The following ELN variants were observed in gnomAD, a reference collection of about 807,000 sequenced individuals.
The protein encoded by ELN is tropoelastin.
A neutral mutation model predicts 105.8 loss-of-function variants in ELN; 65 were observed. The ratio of observed to expected loss-of-function variants is 0.61; its 90% CI spans 0.50 to 0.75. The LOEUF is 0.75. Ranked by LOEUF, ELN falls within the 30% of genes least tolerant of loss-of-function variation. ELN has a pLI of 0.00. For synonymous variants in ELN, 368 were observed against 389.2 expected, an observed-to-expected ratio of 0.95 and a Z score of 0.64; for missense variants, 882 against 969.4, an observed-to-expected ratio of 0.91 and a Z score of 1.20.
chr7:74,053,395 T>A, intron 18 of ELN, 86 bp downstream of exon 18: 1 of 1,554,922 alleles, frequency 6.4e-7, no homozygotes, highest in Non-Finnish European at 8.7e-7. Context: ...GCCAAAATTT[T>A]TGCATTCTCC....
rs782602074 is a variant in ELN, at chr7:74,051,837, C to T, written c.887C>T (p.Ala296Val). The change falls in exon 16 of 33, where the codon GCA (alanine) becomes GTA (valine). Residue 296 changes from alanine (A) to valine (V), a missense_variant and splice_region_variant. Physicochemically the swap from Ala to Val is moderately conservative, Grantham distance 64. Transcript: ENST00000252034. ...PGAIPGIGGI[A>V]GVGTPAAAAA... ...GCAATTCCTGGAATTGGAGGCATCG[C>T]AGGTAACATCTGTCCCAGCAGGGGG... The T allele has an allele frequency of 6.2e-7, 1 of 1,614,230 alleles. No individual in the cohort carries two copies. The highest frequency in any genetic ancestry group is 2.2e-5 in the East Asian group (1 of 44,880).
Position 74,069,705 on chromosome 7 carries a change from ATATTCTCTTTT to A in ELN, c.*1006_*1016del, listed in dbSNP as rs1554691270. The A allele has an allele frequency of 8.7e-6, 2 of 231,110 alleles. No individual in the cohort carries two copies. The highest frequency in any genetic ancestry group is 4.4e-5 in the African/African-American group (2 of 44,948). The allele number at this position is 231,110 out of a possible 1,614,324, so 14.3% of individuals were successfully genotyped here. ...ATTTGGGGATTATTTTTGATTGTTG[ATATTCTCTTTT>A]GGTTTTATTGTTGTGGTTCATTGAA... On this transcript the variant is annotated 3_prime_UTR_variant, in exon 33 of 33. Transcript: ENST00000252034.
At chr7:74,041,077 G>A (rs1041313710) in intron 4 of ELN, 139 bp from the exon 5 acceptor site, 9 of 1,051,210 alleles carry the variant, frequency 8.6e-6, no homozygotes, top group South Asian at 1.3e-5. Context: ...TATCAGGATC[G>A]ACCCTGAGCA....
At chr7:74,056,832 G>C (rs989561175) in intron 21 of ELN, 119 bp downstream of exon 21, 1 of 1,305,854 alleles carries the variant, frequency 7.7e-7, no homozygotes, top group Non-Finnish European at 1.1e-6. Context: ...CCAAGGTCAC[G>C]AGGCCCCTGC....
rs55907052 is a variant in ELN at position 74,060,697 on chromosome 7, A to G, written c.1747+196A>G. Reference sequence around the variant, plus strand: ...AGGCCAAGGGACCCCAGGCTGCCCAATTGCAGAGTATCTGCCTCCTCAGTA... The same window carrying G: ...AGGCCAAGGGACCCCAGGCTGCCCAGTTGCAGAGTATCTGCCTCCTCAGTA... On this transcript the variant is annotated intron_variant, in intron 25 of 32. Coordinates refer to ENST00000252034, the MANE Select transcript of ELN (RefSeq NM_000501.4). 194 of 1,423,034 alleles carry G rather than the reference A, an allele frequency of 1.4e-4. No individual in the cohort carries two copies. The African/African-American group carries it at 2.5e-3, about 18-fold the overall frequency. 88.2% of individuals were successfully genotyped at this position (1,423,034 alleles called of 1,614,324 possible). A position where few individuals can be genotyped will look rare whatever the true frequency, so the allele number is the denominator to read the frequency against.
At chr7:74,031,793 AAGAAAG>A (rs1788707715) in intron 1 of ELN, among the ~76,000 whole-genome samples, 1 of 150,668 alleles carries the variant, frequency 6.6e-6, no homozygotes, top group South Asian at 2.1e-4. Flanking sequence ...AAGAAAAAGA[AAGAAAG>A]AGAGAGAGAG....
rs147145319 is a variant in ELN at position 74,064,508 on chromosome 7, C to T, written c.1993+813C>T. 1.1e-4 allele frequency among the ~76,000 whole-genome samples: 16 copies of T among 151,450 alleles called. 1 individual carries two copies. The East Asian group carries it at 2.5e-3, about 24-fold the overall frequency. ...ACACACGCCTGTAATCCCAGCTACT[C>T]GGGAGCCTGAGACAGGAGAATCACT... On this transcript the variant is annotated intron_variant, in intron 29 of 32. Coordinates refer to ENST00000252034, the MANE Select transcript of ELN (RefSeq NM_000501.4).
rs782012004 is a variant in ELN at position 74,053,233 on chromosome 7, C to A, written c.1020C>A (p.Gly340=). 5.0e-6 allele frequency: 8 copies of A among 1,613,838 alleles called. No individual in the cohort carries two copies. Among genetic ancestry groups the A allele is most frequent in the Non-Finnish European group, 6.8e-6 (8 of 1,179,996 alleles). Residue 340 remains glycine (G), a synonymous_variant, in exon 18 of 33, where the codon GGC becomes GGA. Coordinates refer to ENST00000252034, the MANE Select transcript of ELN (RefSeq NM_000501.4). ...GPGVVGVPGA[G]VPGVGVPGAG... Reference sequence around the variant, plus strand: ...GAGTAGTTGGTGTCCCAGGAGCTGGCGTTCCAGGTGTTGGTGTCCCAGGAG... The same window carrying A: ...GAGTAGTTGGTGTCCCAGGAGCTGGAGTTCCAGGTGTTGGTGTCCCAGGAG...
rs1554686952 is a variant in ELN, at chr7:74,063,732, G to A, written c.1993+37G>A. The A allele has an allele frequency of 1.2e-6, 2 of 1,613,220 alleles. No individual in the cohort carries two copies. Among genetic ancestry groups the A allele is most frequent in the African/African-American group, 1.3e-5 (1 of 75,016 alleles). ...TCTGAAATCAGTGAGTGTGTGTGGTGTGTGTATGCGAGACAGAGATGGAGA... is the reference window on the plus strand; with the variant it reads ...TCTGAAATCAGTGAGTGTGTGTGGTATGTGTATGCGAGACAGAGATGGAGA... On this transcript the variant is annotated intron_variant, in intron 29 of 32. Coordinates refer to ENST00000252034, the MANE Select transcript of ELN (RefSeq NM_000501.4). This position sits in a 1 kb window ranked among gnomAD's most constrained non-coding sequence, Gnocchi z 4.1.
At chr7:74,055,236 T>C (rs980188989) in intron 19 of ELN, among the ~76,000 whole-genome samples, 8 of 152,142 alleles carry the variant, frequency 5.3e-5, no homozygotes, top group Non-Finnish European at 1.5e-5. Flanking sequence ...GGCCAGGAAT[T>C]AGAGACCAGC....
Position 74,048,206 on chromosome 7 carries a change from G to A in ELN, c.745+5G>A. 6.2e-7 allele frequency: 1 copy of A among 1,614,026 alleles called. No individual in the cohort carries two copies. The highest frequency in any genetic ancestry group is 8.5e-7 in the Non-Finnish European group (1 of 1,179,946). On this transcript the variant is annotated splice_donor_5th_base_variant and intron_variant, in intron 14 of 32. Transcript: ENST00000252034. ...CTGGTTACCCAACAGGGACAGGTAAGGAAAGCCTCACGTCACTTCCAGCCA... is the reference window on the plus strand; with the variant it reads ...CTGGTTACCCAACAGGGACAGGTAAAGAAAGCCTCACGTCACTTCCAGCCA...
Position 74,045,214 on chromosome 7 carries a change from C to T in ELN, c.470-8C>T, listed in dbSNP as rs781877758. On this transcript the variant is annotated splice_region_variant and splice_polypyrimidine_tract_variant and intron_variant, in intron 9 of 32. Transcript: ENST00000252034. ...CCTTCCTACACTCACTGCTTTGTCC[C>T]CCGGCAGGAGCTCGGTTCCCCGGTG... 4.3e-6 allele frequency: 7 copies of T among 1,613,986 alleles called. No homozygotes were observed. The highest frequency in any genetic ancestry group is 5.9e-6 in the Non-Finnish European group (7 of 1,180,028).
intron 12 of ELN, 141 bp from the exon 13 acceptor site, chr7:74,047,534 T>G (rs576124690): frequency 8.6e-7 from 1 of 1,162,432 alleles, no homozygotes; most frequent in Non-Finnish European, 1.3e-6. Flanking sequence ...CCAGCGCCTT[T>G]GCTCTCCTGG....
chr7:74,050,861 G>A (rs1365859023), intron 15 of ELN, among the ~76,000 whole-genome samples: 5 of 152,178 alleles, frequency 3.3e-5, no homozygotes, highest in Admixed American at 2.0e-4. Flanking sequence ...AATAAAGATG[G>A]AGCTTACCAT....
chr7:74,038,840 G>C (rs1234072235), intron 4 of ELN, among the ~76,000 whole-genome samples: 1 of 152,242 alleles, frequency 6.6e-6, no homozygotes, highest in African/African-American at 2.4e-5. Context: ...TCTGGGTTGT[G>C]AAACACCAGG....
In ELN at chr7:74,042,535, C is replaced by T. The variant is rs998234860; in HGVS notation, c.233-79C>T. On this transcript the variant is annotated intron_variant, in intron 5 of 32. Coordinates refer to ENST00000252034, the MANE Select transcript of ELN (RefSeq NM_000501.4). ...CCTCCAATGTGCTTCCTGAGTGGGG[C>T]ACAGCCAGGCAGGGCCAGAGCGTAG... 7 of 1,335,666 alleles carry T rather than the reference C, an allele frequency of 5.2e-6. No individual in the cohort carries two copies. In the African/African-American group the frequency reaches 8.6e-5, roughly 16 times the overall value. 82.7% of individuals were successfully genotyped at this position (1,335,666 alleles called of 1,614,324 possible).
At chr7:74,066,849 C>A (rs1798069914) in intron 32 of ELN, 73 bp downstream of exon 32, 4 of 1,537,958 alleles carry the variant, frequency 2.6e-6, no homozygotes, top group African/African-American at 2.7e-5. Context: ...CCTGTGCCAT[C>A]TCCTGCTCAG....
At chr7:74,029,872 C>T (rs1030695227) in intron 1 of ELN, among the ~76,000 whole-genome samples, 4 of 152,172 alleles carry the variant, frequency 2.6e-5, no homozygotes, top group Non-Finnish European at 5.9e-5. Context: ...GCTGAGGCTC[C>T]GGCAGGCTAA....
In ELN at chr7:74,056,336, G is replaced by C. The variant is rs782563418; in HGVS notation, c.1216G>C (p.Gly406Arg). Residue 406 changes from glycine to arginine, a missense_variant, in exon 20 of 33, where the codon GGC becomes CGC. Gly to Arg is a moderately radical substitution (Grantham distance 125). Transcript: ENST00000252034. ...TYGVGAGGFP[G>R]FGVGVGGIPG... ...CGGGGTTGGAGCTGGGGGCTTTCCC[G>C]GCTTTGGTGTCGGAGTCGGAGGTAT... 3.1e-6 allele frequency: 5 copies of C among 1,614,138 alleles called. No homozygotes were observed. Among genetic ancestry groups the C allele is most frequent in the African/African-American group, 1.3e-5 (1 of 75,036 alleles).
Sources: allele counts gnomAD v4.1 joint callset (sites outside exome capture counted in the v4.1 genomes callset), GRCh38; gene constraint gnomAD v4.1.1; non-coding constraint Gnocchi (gnomAD v3.1); transcripts MANE v1.5; gene names NCBI Gene and HGNC (gene_info 2026-07-23, HGNC 2026-07-21).